Variants in PCDHGA3 observed in about 807,000 individuals in gnomAD.
The protein encoded by PCDHGA3 is protocadherin gamma subfamily A, 3.
PCDHGA3 carries 40 observed loss-of-function variants against 58.5 expected under a neutral mutation model. The ratio of observed to expected loss-of-function variants is 0.68; its 90% CI spans 0.53 to 0.89. The LOEUF is 0.89. PCDHGA3 is among the 40% of genes least tolerant of loss of function. The pLI, the probability that PCDHGA3 is intolerant of heterozygous loss-of-function variation, is 0.00. For synonymous variants in PCDHGA3, 530 were observed against 525.7 expected, an observed-to-expected ratio of 1.01 and a Z score of -0.11; for missense variants, 1,223 against 1,195.9, an observed-to-expected ratio of 1.02 and a Z score of -0.33.
chr5:141,362,460 TC>T (rs755603775), intron 1 of PCDHGA3: 4 of 1,614,026 alleles, frequency 2.5e-6, no homozygotes, highest in Non-Finnish European at 3.4e-6. Context: ...CGGAATTGGT[TC>T]CCGCGCAAGA....
chr5:141,344,105 C>A lies in PCDHGA3; in HGVS notation c.72C>A (p.Cys24Ter), dbSNP rs199763392. 1.5e-5 allele frequency: 24 copies of A among 1,613,716 alleles called. No homozygotes were observed. The African/African-American group carries it at 2.1e-4, about 14-fold the overall frequency. The change falls in exon 1 of 4, where the codon TGC becomes TGA. Residue 24 changes from cysteine (C) to a stop codon, truncating the protein, a stop_gained. Coordinates refer to ENST00000253812, the MANE Select transcript of PCDHGA3 (RefSeq NM_018916.4). LOFTEE classifies it high-confidence loss of function. ...ALLCALLGTL[C>*]ETGSGQIRYS... Reference sequence around the variant, plus strand: ...TGTGCGCGCTCCTGGGGACGCTGTGCGAAACAGGATCCGGTCAGATCCGCT... The same window carrying A: ...TGTGCGCGCTCCTGGGGACGCTGTGAGAAACAGGATCCGGTCAGATCCGCT...
chr5:141,472,307 C>T (rs949288194), intron 1 of PCDHGA3, among the ~76,000 whole-genome samples: 2 of 150,368 alleles, frequency 1.3e-5, no homozygotes, highest in Admixed American at 6.6e-5. Flanking sequence ...TTTGGGAAGC[C>T]GAGGCAGGCA....
chr5:141,436,121 C>T (rs2097796819), intron 1 of PCDHGA3, among the ~76,000 whole-genome samples: 1 of 152,154 alleles, frequency 6.6e-6, no homozygotes, highest in Admixed American at 6.5e-5. Context: ...AAACCTCTCT[C>T]CTCCATCATC....
chr5:141,441,885 CA>C, intron 1 of PCDHGA3: 1 of 345,036 alleles, frequency 2.9e-6, no homozygotes. Context: ...ACCTGGTCAC[CA>C]AGGTGGTGGC....
chr5:141,466,494 G>C (rs1186331329), intron 1 of PCDHGA3, among the ~76,000 whole-genome samples: 4 of 152,134 alleles, frequency 2.6e-5, no homozygotes. Context: ...TCTTTAATTA[G>C]AGCACAGACA....
At chr5:141,381,854 A>T (rs1588908690) in intron 1 of PCDHGA3, among the ~76,000 whole-genome samples, 9 of 54,602 alleles carry the variant, frequency 1.6e-4, no homozygotes, top group South Asian at 5.1e-4. Context: ...TTTTTGGCAG[A>T]GTTTTGCTCT....
intron 1 of PCDHGA3, chr5:141,398,612 T>C (rs756084003): frequency 2.5e-6 from 4 of 1,614,024 alleles, no homozygotes; most frequent in East Asian, 2.2e-5. Flanking sequence ...GATGCAGATA[T>C]TGGCTTAAAC....
intron 1 of PCDHGA3, chr5:141,419,836 G>A (rs756561978): frequency 1.9e-6 from 3 of 1,613,958 alleles, no homozygotes. Context: ...CCACTGCCAC[G>A]CTGCACCTGG....
At chr5:141,421,218 A>G (rs969154252) in intron 1 of PCDHGA3, 1 of 1,570,664 alleles carries the variant, frequency 6.4e-7, no homozygotes, top group Admixed American at 1.9e-5. Flanking sequence ...ATATCGGCTT[A>G]GAGCCTGCCA....
intron 1 of PCDHGA3, among the ~76,000 whole-genome samples, chr5:141,470,528 G>A (rs1446688992): frequency 6.6e-6 from 1 of 152,140 alleles, no homozygotes; most frequent in East Asian, 1.9e-4. Context: ...ATTAAAATAT[G>A]TATCAGGTAA....
At chr5:141,435,026 C>T (rs977017371) in intron 1 of PCDHGA3, among the ~76,000 whole-genome samples, 1 of 151,978 alleles carries the variant, frequency 6.6e-6, no homozygotes, top group Non-Finnish European at 1.5e-5. Flanking sequence ...GCTCTTTTCC[C>T]ACTTTTATTT....
At chr5:141,364,344 C>G (rs1588595185) in intron 1 of PCDHGA3, 1 of 1,542,476 alleles carries the variant, frequency 6.5e-7, no homozygotes, top group Non-Finnish European at 8.7e-7. Flanking sequence ...GCGAGTCCAC[C>G]TAGGGGCTGG....
At chr5:141,410,492 T>C in intron 1 of PCDHGA3, 2 of 1,613,912 alleles carry the variant, frequency 1.2e-6, no homozygotes, top group Non-Finnish European at 1.7e-6. Flanking sequence ...TACAAAAGAG[T>C]TTAATTTCCT....
At chr5:141,350,216 T>G (rs767942868) in intron 1 of PCDHGA3, 61 of 1,490,720 alleles carry the variant, frequency 4.1e-5, no homozygotes, top group Non-Finnish European at 5.3e-5. Context: ...CATTTCTTTT[T>G]GAAAAACATC....
chr5:141,469,395 T>G lies in PCDHGA3; in HGVS notation c.2425-25412T>G, dbSNP rs1332746609. ...ATCGAGACCATCCTGGCCAACATGG[T>G]GAAACCCCGTTTCTACTAAAAATAT... On this transcript the variant is annotated intron_variant, in intron 1 of 3. Transcript: ENST00000253812. Among the ~76,000 whole-genome samples, 6 of 152,194 alleles carry G rather than the reference T, an allele frequency of 3.9e-5. No homozygotes were observed. The East Asian group carries it at 1.2e-3, about 29-fold the overall frequency.
Position 141,344,212 on chromosome 5 carries a change from C to T in PCDHGA3, c.179C>T (p.Ala60Val). ...CTGGGGCTAGAGCCCCGGGAGCTGG[C>T]GGAGCGCGGAGTCCGCATCGTCTCC... The part of the protein sequence containing the change: ...NDLGLEPREL[A>V]ERGVRIVSRG... Residue 60 changes from alanine to valine, a missense_variant, in exon 1 of 4, where the codon GCG becomes GTG. Transcript: ENST00000253812. 1 of 1,613,992 alleles carries T rather than the reference C, an allele frequency of 6.2e-7. No individual in the cohort carries two copies. Among genetic ancestry groups the T allele is most frequent in the Non-Finnish European group, 8.5e-7 (1 of 1,179,904 alleles).
chr5:141,355,689 T>C (rs755221560), intron 1 of PCDHGA3: 20 of 1,613,838 alleles, frequency 1.2e-5, no homozygotes, highest in Admixed American at 1.7e-5. Context: ...CGGATGTAGG[T>C]GTAAACTCCC....
chr5:141,347,433 G>A (rs1757966434), intron 1 of PCDHGA3, among the ~76,000 whole-genome samples: 1 of 152,004 alleles, frequency 6.6e-6, no homozygotes, highest in African/African-American at 2.4e-5. Context: ...GCGATTAGAG[G>A]CATGAGCCAC....
In PCDHGA3 at chr5:141,346,547, G is replaced by A. The variant is rs1303043494; in HGVS notation, c.2424+90G>A. ...AACACATATGTATTTGAGAAATAAA[G>A]CCATGAGGTTGTCATTAGTCCTTTG... On this transcript the variant is annotated intron_variant, in intron 1 of 3. Coordinates refer to ENST00000253812, the MANE Select transcript of PCDHGA3 (RefSeq NM_018916.4). The A allele has an allele frequency of 6.5e-6, 10 of 1,533,448 alleles. 1 individual carries two copies. The South Asian group carries it at 1.3e-4, about 19-fold the overall frequency. The allele number at this position is 1,533,448 out of a possible 1,614,324, so 95.0% of individuals were successfully genotyped here.
Sources: allele counts gnomAD v4.1 joint callset (sites outside exome capture counted in the v4.1 genomes callset), GRCh38; gene constraint gnomAD v4.1.1; transcripts MANE v1.5; gene names NCBI Gene and HGNC (gene_info 2026-07-23, HGNC 2026-07-21).